WDR41: variants seen among roughly 807,000 people sequenced by gnomAD.
WDR41 encodes the protein WD repeat domain 41.
Under a neutral mutation model 69.3 loss-of-function variants are expected in WDR41, and 63 were observed. That is an observed-to-expected ratio of 0.91 (90% CI 0.74 to 1.12). The LOEUF (loss-of-function observed/expected upper bound fraction) is 1.12. WDR41 is among the 50% of genes most tolerant of loss of function. WDR41 has a pLI of 0.00. For synonymous variants in WDR41, 185 were observed against 192.1 expected (o/e 0.96, Z 0.31); for missense variants, 543 against 534.5 (o/e 1.02, Z -0.16).
intron 1 of WDR41, among the ~76,000 whole-genome samples, chr5:77,535,477 T>C (rs886675298): frequency 2.6e-5 from 4 of 152,204 alleles, no homozygotes; most frequent in African/African-American, 9.6e-5. Flanking sequence ...TGCATACGTA[T>C]ATCTCGGTAT....
chr5:77,479,623 G>C (rs1050220122), intron 2 of WDR41, among the ~76,000 whole-genome samples: 23 of 152,040 alleles, frequency 1.5e-4, no homozygotes, highest in Non-Finnish European at 2.8e-4. Flanking sequence ...TAGCCATATG[G>C]AGAAAGCTGA....
rs140053250 is a variant in WDR41 at position 77,436,734 on chromosome 5, C to G, written c.1094-340G>C. ...GCAAAACTCAGATCAACAAACAAGG[C>G]ATAGGGGAAAAGCTGTATATGTATG... On this transcript the variant is annotated intron_variant, in intron 11 of 12. Coordinates refer to ENST00000296679, the MANE Select transcript of WDR41 (RefSeq NM_018268.4). 5.3e-5 allele frequency among the ~76,000 whole-genome samples: 8 copies of G among 152,236 alleles called. No homozygotes were observed. The East Asian group carries it at 1.5e-3, about 29-fold the overall frequency.
intron 1 of WDR41, among the ~76,000 whole-genome samples, chr5:77,518,806 C>A (rs1407162767): frequency 6.6e-6 from 1 of 151,910 alleles, no homozygotes; most frequent in African/African-American, 2.4e-5. Flanking sequence ...CTTTCAGAAT[C>A]CAATAATATA....
intron 2 of WDR41, among the ~76,000 whole-genome samples, chr5:77,481,728 T>C (rs1801272434): frequency 7.5e-6 from 1 of 133,972 alleles, no homozygotes; most frequent in South Asian, 2.2e-4. Flanking sequence ...GTGGTTGGAG[T>C]GAACCAAGGT....
intron 1 of WDR41, among the ~76,000 whole-genome samples, chr5:77,551,928 G>A (rs561228327): frequency 1.3e-5 from 2 of 151,328 alleles, no homozygotes; most frequent in East Asian, 3.9e-4. Flanking sequence ...GCAGCGAGCC[G>A]AGATCGTGCC....
intron 6 of WDR41, 130 bp from the exon 7 acceptor site, chr5:77,451,483 C>T: frequency 1.4e-6 from 1 of 724,074 alleles, no homozygotes; most frequent in Middle Eastern, 3.9e-4. Flanking sequence ...GCTCCACACA[C>T]ACTTCCTTGC....
intron 5 of WDR41, among the ~76,000 whole-genome samples, chr5:77,455,438 G>A (rs1244379807): frequency 6.6e-6 from 1 of 152,086 alleles, no homozygotes; most frequent in Non-Finnish European, 1.5e-5. Flanking sequence ...TCACTTTGAA[G>A]CACAAAAACT....
In WDR41 at chr5:77,444,727, A is replaced by T. The variant is rs180745719; in HGVS notation, c.698-3730T>A. 1.8e-3 allele frequency among the ~76,000 whole-genome samples: 274 copies of T among 152,366 alleles called. 1 individual carries two copies. Among genetic ancestry groups the T allele is most frequent in the African/African-American group, 5.4e-3 (225 of 41,588 alleles). ...CAACATAAACATTTCAGGATCACTG[A>T]CATCCACATCATGGCTAACGTGCCT... On this transcript the variant is annotated intron_variant, in intron 8 of 12. Coordinates refer to ENST00000296679, the MANE Select transcript of WDR41 (RefSeq NM_018268.4).
At chr5:77,444,705 C>T (rs1206781423) in intron 8 of WDR41, among the ~76,000 whole-genome samples, 1 of 152,226 alleles carries the variant, frequency 6.6e-6, no homozygotes, top group Non-Finnish European at 1.5e-5. Context: ...AACTGTACAA[C>T]ATAAACATTT....
chr5:77,581,616 C>T (rs1206345223), intron 1 of WDR41, among the ~76,000 whole-genome samples: 5 of 152,130 alleles, frequency 3.3e-5, no homozygotes, highest in Non-Finnish European at 7.4e-5. Context: ...AAATGAATCT[C>T]AGTAAATTTA....
chr5:77,562,942 A>G (rs1743552653), intron 1 of WDR41, among the ~76,000 whole-genome samples: 1 of 152,076 alleles, frequency 6.6e-6, no homozygotes, highest in Admixed American at 6.6e-5. Context: ...ATTCTACAAT[A>G]TTTGATTTGT....
At chr5:77,530,016 C>CAGAAAGGA (rs150187444) in intron 1 of WDR41, among the ~76,000 whole-genome samples, 18,935 of 151,114 alleles carry the variant, frequency 0.13, 1,400 homozygotes, top group South Asian at 0.25. Context: ...TCTCAAGATA[C>CAGAAAGGA]AGAAAGGAAT....
At chr5:77,519,893 T>A (rs1389366515) in intron 1 of WDR41, among the ~76,000 whole-genome samples, 3 of 151,826 alleles carry the variant, frequency 2.0e-5, no homozygotes, top group African/African-American at 4.8e-5. Flanking sequence ...AATATTTTTT[T>A]AAATTATTCT....
intron 2 of WDR41, among the ~76,000 whole-genome samples, chr5:77,473,595 C>G (rs1262022696): frequency 6.6e-6 from 1 of 151,906 alleles, no homozygotes; most frequent in African/African-American, 2.4e-5. Flanking sequence ...AACAAATTTA[C>G]AAGAAAAAAA....
At chr5:77,441,041 A>G (rs1405440722) in intron 8 of WDR41, 44 bp from the exon 9 acceptor site, 10 of 1,593,016 alleles carry the variant, frequency 6.3e-6, no homozygotes, top group Non-Finnish European at 8.6e-6. Flanking sequence ...CATTTTATCT[A>G]TGTAAAGATA....
At chr5:77,539,146 A>C (rs1743042988) in intron 1 of WDR41, among the ~76,000 whole-genome samples, 1 of 152,104 alleles carries the variant, frequency 6.6e-6, no homozygotes, top group Admixed American at 6.6e-5. Flanking sequence ...CTCCACCCTC[A>C]TGACCTCATT....
chr5:77,481,072 A>C (rs1801216773), intron 2 of WDR41, among the ~76,000 whole-genome samples: 1 of 150,310 alleles, frequency 6.7e-6, no homozygotes, highest in Non-Finnish European at 1.5e-5. Flanking sequence ...CCCAGGCTGG[A>C]GTGCAATGGC....
chr5:77,535,950 G>C (rs1742966777), intron 1 of WDR41, among the ~76,000 whole-genome samples: 1 of 152,156 alleles, frequency 6.6e-6, no homozygotes, highest in African/African-American at 2.4e-5. Flanking sequence ...AGAATGGATA[G>C]TTCTGCAGTC....
At chr5:77,449,146 T>C (rs1034394406) in intron 8 of WDR41, among the ~76,000 whole-genome samples, 3 of 152,172 alleles carry the variant, frequency 2.0e-5, no homozygotes, top group Non-Finnish European at 2.9e-5. Flanking sequence ...GTTTGTGATC[T>C]TGCCATCTGA....
Sources: allele counts gnomAD v4.1 joint callset (sites outside exome capture counted in the v4.1 genomes callset), GRCh38; gene constraint gnomAD v4.1.1; transcripts MANE v1.5; gene names NCBI Gene and HGNC (gene_info 2026-07-23, HGNC 2026-07-21).